Variants in KDELR2 observed in about 807,000 individuals in gnomAD.
The protein encoded by KDELR2 is KDEL endoplasmic reticulum protein retention receptor 2.
A neutral mutation model predicts 23.9 loss-of-function variants in KDELR2; 15 were observed. The observed-to-expected ratio is 0.63, with a 90% CI of 0.42 to 0.97. KDELR2 has a LOEUF of 0.97. KDELR2 is among the 50% of genes least tolerant of loss of function. The pLI, the probability that KDELR2 is intolerant of heterozygous loss-of-function variation, is 0.00. For missense variants in KDELR2, 272 were observed against 254.6 expected (o/e 1.07, Z -0.46); for synonymous variants, 119 against 106.2 (o/e 1.12, Z -0.74).
intron 1 of KDELR2, among the ~76,000 whole-genome samples, chr7:6,479,420 G>C (rs1374607330): frequency 2.0e-5 from 3 of 152,102 alleles, no homozygotes; most frequent in Non-Finnish European, 4.4e-5. Flanking sequence ...CTCCTAAAGT[G>C]CTGGAATTAC....
In KDELR2 at chr7:6,462,086, CAAAA is replaced by C. The variant is rs1785400467; in HGVS notation, c.*1051_*1054del. ...TAAGTCATGCAACAGCTCTGTAAAA[CAAAA>C]CAAAACAAGAAACTACGATGTCGGC... On this transcript the variant is annotated 3_prime_UTR_variant, in exon 5 of 5. Coordinates refer to ENST00000258739, the MANE Select transcript of KDELR2 (RefSeq NM_006854.4). The C allele has an allele frequency of 6.6e-6, 1 of 151,596 alleles. No individual in the cohort carries two copies. The highest frequency in any genetic ancestry group is 1.9e-4 in the East Asian group (1 of 5,162). The allele number at this position is 151,596 out of a possible 1,614,324, so 9.4% of individuals were successfully genotyped here.
intron 3 of KDELR2, 45 bp downstream of exon 3, chr7:6,469,551 G>C: frequency 6.3e-7 from 1 of 1,586,828 alleles, no homozygotes; most frequent in Non-Finnish European, 8.6e-7. Flanking sequence ...TGGGATTACA[G>C]GCATGAGCCA....
intron 1 of KDELR2, among the ~76,000 whole-genome samples, chr7:6,483,325 C>G (rs1252781935): frequency 6.6e-6 from 1 of 151,400 alleles, no homozygotes; most frequent in Admixed American, 6.6e-5. Flanking sequence ...GACGACCTCT[C>G]GGCAAGCCCC....
intron 2 of KDELR2, chr7:6,469,974 T>C: frequency 2.7e-6 from 1 of 371,000 alleles, no homozygotes. Context: ...AGTTCCATCA[T>C]CCCCAAAATT....
At position 6,463,115 on chromosome 7, in the gene KDELR2, C is replaced by A; in HGVS notation, c.*26G>T. 2 of 1,614,134 alleles carry A rather than the reference C, an allele frequency of 1.2e-6. No homozygotes were observed. The highest frequency in any genetic ancestry group is 1.7e-6 in the Non-Finnish European group (2 of 1,180,012). On this transcript the variant is annotated 3_prime_UTR_variant, in exon 5 of 5. Transcript: ENST00000258739. ...AATTCTGTCCGAGCACCCTGAAGGA[C>A]AGATGCTGGTGATGGTCTTTGGCAC...
chr7:6,482,769 A>C (rs1785929110), intron 1 of KDELR2, among the ~76,000 whole-genome samples: 1 of 151,894 alleles, frequency 6.6e-6, no homozygotes, highest in South Asian at 2.1e-4. Context: ...AATAAGTTTA[A>C]GGGATTTTTA....
intron 1 of KDELR2, 65 bp downstream of exon 1, chr7:6,483,902 G>A (rs891677308): frequency 4.7e-6 from 6 of 1,281,164 alleles, no homozygotes; most frequent in South Asian, 1.9e-5. Context: ...GGCCGAGGTC[G>A]GCGGGTCCTC....
At chr7:6,473,257 T>C (rs1785690849) in intron 2 of KDELR2, among the ~76,000 whole-genome samples, 1 of 152,024 alleles carries the variant, frequency 6.6e-6, no homozygotes, top group Non-Finnish European at 1.5e-5. Flanking sequence ...GCAACTCTTA[T>C]ACTTTTCCTT....
intron 4 of KDELR2, among the ~76,000 whole-genome samples, chr7:6,463,759 A>G (rs1387766326): frequency 3.3e-5 from 5 of 151,488 alleles, no homozygotes; most frequent in Non-Finnish European, 7.4e-5. Flanking sequence ...AAGATAAAAA[A>G]AAAAAAAAAC....
chr7:6,483,891 T>C (rs968438172), intron 1 of KDELR2, 76 bp downstream of exon 1: 2 of 1,202,118 alleles, frequency 1.7e-6, no homozygotes, highest in Non-Finnish European at 2.1e-6. Context: ...AGCCGTGGGG[T>C]GGCCGAGGTC....
rs1785707244 is a variant in KDELR2 at position 6,474,128 on chromosome 7, G to A, written c.192+56C>T. The stretch of plus-strand genomic sequence containing the variant: ...AATACACAGCTGACATAAATTAAGT[G>A]TCCATAGACCTGTGCACTGTAGATG... On this transcript the variant is annotated intron_variant, in intron 2 of 4. Coordinates refer to ENST00000258739, the MANE Select transcript of KDELR2 (RefSeq NM_006854.4). 5.1e-6 allele frequency: 5 copies of A among 988,736 alleles called. No individual in the cohort carries two copies. In the South Asian group the frequency reaches 5.5e-5, roughly 11 times the overall value. 61.2% of individuals were successfully genotyped at this position (988,736 alleles called of 1,614,324 possible).
At chr7:6,468,795 C>T (rs958555292) in intron 3 of KDELR2, among the ~76,000 whole-genome samples, 5 of 152,070 alleles carry the variant, frequency 3.3e-5, no homozygotes, top group East Asian at 1.9e-4. Flanking sequence ...TGAGCCACTG[C>T]GCATGGCCAG....
chr7:6,464,072 C>G (rs984568566), intron 4 of KDELR2, among the ~76,000 whole-genome samples: 1 of 151,162 alleles, frequency 6.6e-6, no homozygotes, highest in Non-Finnish European at 1.5e-5. Context: ...TGGTGCATGC[C>G]TGTAATCCCA....
At chr7:6,471,559 T>C (rs1276703508) in intron 2 of KDELR2, among the ~76,000 whole-genome samples, 1 of 152,316 alleles carries the variant, frequency 6.6e-6, no homozygotes, top group East Asian at 1.9e-4. Context: ...CTTACTCATG[T>C]CAATTAGCCT....
rs895217037 is a variant in KDELR2 at position 6,462,594 on chromosome 7, C to G, written c.*547G>C. On this transcript the variant is annotated 3_prime_UTR_variant, in exon 5 of 5. Coordinates refer to ENST00000258739, the MANE Select transcript of KDELR2 (RefSeq NM_006854.4). ...TTAAATGTAGTGTTGTGACATCCAACGAAGGACTTCCACGTCACGTGGGAA... is the reference window on the plus strand; with the variant it reads ...TTAAATGTAGTGTTGTGACATCCAAGGAAGGACTTCCACGTCACGTGGGAA... The G allele has an allele frequency of 1.5e-4, 25 of 170,286 alleles. No individual in the cohort carries two copies. Among genetic ancestry groups the G allele is most frequent in the Non-Finnish European group, 1.5e-4 (12 of 79,742 alleles). 10.5% of individuals were successfully genotyped at this position (170,286 alleles called of 1,614,324 possible).
In KDELR2 at chr7:6,462,130, A is replaced by C. The variant is rs1785401611; in HGVS notation, c.*1011T>G. ...ACGATGTCGGCTGCGGGTTAAATAA[A>C]AAGAAAACCACACATACAAAAAAGA... On this transcript the variant is annotated 3_prime_UTR_variant, in exon 5 of 5. Coordinates refer to ENST00000258739, the MANE Select transcript of KDELR2 (RefSeq NM_006854.4). 1 of 152,226 alleles carries C rather than the reference A, an allele frequency of 6.6e-6. No individual in the cohort carries two copies. The highest frequency in any genetic ancestry group is 2.1e-4 in the South Asian group (1 of 4,828). 9.4% of individuals were successfully genotyped at this position (152,226 alleles called of 1,614,324 possible).
Position 6,466,263 on chromosome 7 carries a change from T to C in KDELR2, c.412A>G (p.Ile138Val), listed in dbSNP as rs776293624. The change falls in exon 4 of 5, where the codon ATC becomes GTC. Residue 138 changes from isoleucine to valine, a missense_variant. By Grantham distance (29) the Ile-to-Val change is conservative (BLOSUM62 3). Transcript: ENST00000258739. ...SVAILPQLFM[I>V]SKTGEAETIT... Reference sequence around the variant, plus strand: ...GTCTCGGCCTCCCCAGTCTTGCTGATCATAAATAGCTGCGGAAGGATAGCC... The same window carrying C: ...GTCTCGGCCTCCCCAGTCTTGCTGACCATAAATAGCTGCGGAAGGATAGCC... The C allele has an allele frequency of 3.0e-5, 49 of 1,613,776 alleles. No individual in the cohort carries two copies. The highest frequency in any genetic ancestry group is 3.4e-6 in the Non-Finnish European group (4 of 1,179,960).
intron 2 of KDELR2, chr7:6,470,141 A>C (rs550164795): frequency 3.0e-4 from 47 of 159,012 alleles, no homozygotes; most frequent in South Asian, 5.6e-4. Context: ...AATTTCAGTT[A>C]GCCTAATGCA....
In KDELR2 at chr7:6,468,194, C is replaced by T. The variant is rs142699526; in HGVS notation, c.351+1402G>A. Among the ~76,000 whole-genome samples, 478 of 152,268 alleles carry T rather than the reference C, an allele frequency of 3.1e-3. 4 individuals carry two copies. The highest frequency in any genetic ancestry group is 0.01 in the African/African-American group (433 of 41,542). On this transcript the variant is annotated intron_variant, in intron 3 of 4. Coordinates refer to ENST00000258739, the MANE Select transcript of KDELR2 (RefSeq NM_006854.4). ...TATGTGGGTGCTTAATTCTCATCTA[C>T]GATTTTTTTACACCAGTCATGAACA...
Sources: allele counts gnomAD v4.1 joint callset (sites outside exome capture counted in the v4.1 genomes callset), GRCh38; gene constraint gnomAD v4.1.1; transcripts MANE v1.5; gene names NCBI Gene and HGNC (gene_info 2026-07-23, HGNC 2026-07-21).